The following SLC39A11 variants were observed in gnomAD, a reference collection of about 807,000 sequenced individuals.
SLC39A11 encodes solute carrier family 39 member 11.
SLC39A11 carries 33 observed loss-of-function variants against 36.1 expected under a neutral mutation model. The ratio of observed to expected loss-of-function variants is 0.91; its 90% CI spans 0.69 to 1.22. The LOEUF (loss-of-function observed/expected upper bound fraction) is 1.22. Among genes scored for constraint, SLC39A11 ranks in the 50% most tolerant of loss-of-function variants. SLC39A11 has a pLI of 0.00. For synonymous variants in SLC39A11, 166 were observed against 170.3 expected, an observed-to-expected ratio of 0.97 and a Z score of 0.20; for missense variants, 432 against 430.3, an observed-to-expected ratio of 1.00 and a Z score of -0.03.
At chr17:72,925,194 G>A (rs993383019) in intron 5 of SLC39A11, among the ~76,000 whole-genome samples, 9 of 151,976 alleles carry the variant, frequency 5.9e-5, no homozygotes, top group African/African-American at 2.2e-4. Context: ...GTTCTTCCAC[G>A]ACGGACATGT....
chr17:72,969,557 C>T (rs1380597099), intron 4 of SLC39A11, among the ~76,000 whole-genome samples: 1 of 151,920 alleles, frequency 6.6e-6, no homozygotes, highest in African/African-American at 2.4e-5. Context: ...GTTCCCTCCT[C>T]TCTCGCATCC....
At chr17:73,069,933 T>C (rs2060110855) in intron 3 of SLC39A11, among the ~76,000 whole-genome samples, 1 of 152,216 alleles carries the variant, frequency 6.6e-6, no homozygotes, top group African/African-American at 2.4e-5. Context: ...AAGTCTTGCT[T>C]CACAAATATC....
At chr17:72,804,593 G>C (rs1023507291) in intron 6 of SLC39A11, among the ~76,000 whole-genome samples, 5 of 152,230 alleles carry the variant, frequency 3.3e-5, no homozygotes, top group African/African-American at 1.2e-4. Flanking sequence ...GAGTAAGGCA[G>C]AGTGGTATAG....
intron 4 of SLC39A11, among the ~76,000 whole-genome samples, chr17:72,986,513 G>A (rs901685014): frequency 2.0e-5 from 3 of 152,180 alleles, no homozygotes; most frequent in African/African-American, 4.8e-5. Flanking sequence ...CCTTCCAACT[G>A]TGAGGTCCCA....
At chr17:73,059,390 G>C (rs570218802) in intron 3 of SLC39A11, among the ~76,000 whole-genome samples, 28 of 152,316 alleles carry the variant, frequency 1.8e-4, no homozygotes, top group Non-Finnish European at 3.8e-4. Context: ...ATAAGCCCAG[G>C]CATAGTGGCT....
intron 4 of SLC39A11, among the ~76,000 whole-genome samples, chr17:72,979,329 G>C (rs1343231376): frequency 1.3e-5 from 2 of 148,656 alleles, no homozygotes; most frequent in African/African-American, 5.0e-5. Flanking sequence ...CCAGTCTTGG[G>C]CAGTTCTTTA....
intron 4 of SLC39A11, among the ~76,000 whole-genome samples, chr17:72,987,479 G>T (rs1258103377): frequency 6.6e-6 from 1 of 152,116 alleles, no homozygotes; most frequent in Admixed American, 6.6e-5. Flanking sequence ...AAATAAGATG[G>T]AATGAACAAT....
chr17:72,892,178 T>C (rs1397270160), intron 5 of SLC39A11, among the ~76,000 whole-genome samples: 1 of 152,066 alleles, frequency 6.6e-6, no homozygotes, highest in Non-Finnish European at 1.5e-5. Flanking sequence ...GAGGCCGAGG[T>C]GGGCAGATCA....
At chr17:73,058,708 G>A (rs2059747141) in intron 3 of SLC39A11, among the ~76,000 whole-genome samples, 1 of 152,150 alleles carries the variant, frequency 6.6e-6, no homozygotes, top group Non-Finnish European at 1.5e-5. Flanking sequence ...GGCTGACAGA[G>A]CGAAACTCTG....
chr17:72,662,535 GAGAA>G (rs1328908703), intron 7 of SLC39A11, among the ~76,000 whole-genome samples: 38 of 101,940 alleles, frequency 3.7e-4, no homozygotes, highest in Admixed American at 1.0e-3. Flanking sequence ...GAAAGAAAGA[GAGAA>G]AGAAAGAAAA....
chr17:72,815,129 A>G (rs1229092897), intron 6 of SLC39A11, among the ~76,000 whole-genome samples: 1 of 152,210 alleles, frequency 6.6e-6, no homozygotes, highest in African/African-American at 2.4e-5. Context: ...CTGAAGTTCT[A>G]TTAAGACTGG....
At chr17:72,784,941 C>T (rs983640143) in intron 6 of SLC39A11, among the ~76,000 whole-genome samples, 1 of 151,568 alleles carries the variant, frequency 6.6e-6, no homozygotes, top group Non-Finnish European at 1.5e-5. Flanking sequence ...CTCACTGCAA[C>T]CTCCACCTCC....
At chr17:72,790,538 T>TC (rs200836775) in intron 6 of SLC39A11, among the ~76,000 whole-genome samples, 20 of 131,134 alleles carry the variant, frequency 1.5e-4, no homozygotes, top group African/African-American at 2.6e-4. Context: ...TCTCTCTCTC[T>TC]TTTTTTTTTT....
At chr17:73,089,470 T>A (rs1196430973) in intron 1 of SLC39A11, among the ~76,000 whole-genome samples, 1 of 152,070 alleles carries the variant, frequency 6.6e-6, no homozygotes, top group Non-Finnish European at 1.5e-5. Flanking sequence ...TTTCCAGCCA[T>A]CAGAACCCGG....
chr17:73,046,209 TGA>T (rs2059285564), intron 3 of SLC39A11, among the ~76,000 whole-genome samples: 1 of 152,188 alleles, frequency 6.6e-6, no homozygotes, highest in African/African-American at 2.4e-5. Context: ...AAACGAGCCA[TGA>T]GGCTTGGAGG....
At chr17:73,026,685 T>C (rs942094425) in intron 4 of SLC39A11, among the ~76,000 whole-genome samples, 2 of 152,062 alleles carry the variant, frequency 1.3e-5, no homozygotes, top group South Asian at 2.1e-4. Flanking sequence ...TAAACTGTTT[T>C]ATAACGAGAT....
At chr17:72,896,583 G>C (rs988629064) in intron 5 of SLC39A11, among the ~76,000 whole-genome samples, 2 of 152,056 alleles carry the variant, frequency 1.3e-5, no homozygotes, top group Non-Finnish European at 2.9e-5. Flanking sequence ...AAAGACCAAG[G>C]CTGTTCTTCC....
At chr17:72,823,400 T>TGC (rs896139584) in intron 6 of SLC39A11, among the ~76,000 whole-genome samples, 7 of 151,190 alleles carry the variant, frequency 4.6e-5, no homozygotes, top group African/African-American at 1.7e-4. Flanking sequence ...ATTGGTTCCG[T>TGC]GCATCAATCT....
chr17:72,989,305 C>T (rs1452366935), intron 4 of SLC39A11, among the ~76,000 whole-genome samples: 1 of 152,250 alleles, frequency 6.6e-6, no homozygotes, highest in Non-Finnish European at 1.5e-5. Context: ...GTTCTCCTGA[C>T]TCTAGAATCA....
Sources: gnomAD v4.1 joint callset for allele counts (sites outside exome capture counted in the v4.1 genomes callset) on GRCh38, gnomAD v4.1.1 for gene constraint, MANE v1.5 for transcripts, NCBI Gene and HGNC (gene_info 2026-07-23, HGNC 2026-07-21) for gene names.